BCAS3: variants seen among roughly 807,000 people sequenced by gnomAD.
BCAS3 encodes the protein BCAS4/BCAS3 fusion.
BCAS3 carries 53 observed loss-of-function variants against 116.1 expected under a neutral mutation model. The observed-to-expected ratio is 0.46, with a 90% CI of 0.37 to 0.57. The LOEUF is 0.57. Among genes scored for constraint, BCAS3 ranks in the 20% least tolerant of loss-of-function variants. The probability of loss-of-function intolerance (pLI) is 0.00; values close to 1 mark genes in which losing one functional copy is unlikely to be tolerated. For missense variants in BCAS3, 917 were observed against 1,165.4 expected (o/e 0.79, Z 3.10); for synonymous variants, 391 against 408.2 (o/e 0.96, Z 0.51).
intron 7 of BCAS3, among the ~76,000 whole-genome samples, chr17:60,833,752 A>G (rs1245988736): frequency 6.6e-6 from 1 of 152,186 alleles, no homozygotes; most frequent in African/African-American, 2.4e-5. Flanking sequence ...TATTCTTTCA[A>G]AACTGTAATT....
At chr17:61,005,839 C>T (rs1276167726) in intron 15 of BCAS3, among the ~76,000 whole-genome samples, 1 of 146,942 alleles carries the variant, frequency 6.8e-6, no homozygotes, top group African/African-American at 2.5e-5. Flanking sequence ...GGTACATGTG[C>T]ACATTGTGCA....
In BCAS3 at chr17:61,128,218, CATGAAG is replaced by C; in HGVS notation, c.2425+43661_2425+43666del. The C allele has an allele frequency of 1.0e-6, 1 of 985,410 alleles. No homozygotes were observed. Among genetic ancestry groups the C allele is most frequent in the Non-Finnish European group, 1.2e-6 (1 of 829,910 alleles). 61.0% of individuals were successfully genotyped at this position (985,410 alleles called of 1,614,324 possible). On this transcript the variant is annotated intron_variant, in intron 22 of 23. Transcript: ENST00000407086. The surrounding 1 kb of genome is among the most constrained non-coding windows in gnomAD (Gnocchi z 4.1). Reference sequence around the variant, plus strand: ...GAATAGTGTGAGTCAAGGATGAGTACATGAAGATGAAGCCCATGCAATGAGGACAGC... The same window carrying C: ...GAATAGTGTGAGTCAAGGATGAGTACATGAAGCCCATGCAATGAGGACAGC...
At chr17:60,779,258 C>T (rs1221987606) in intron 6 of BCAS3, among the ~76,000 whole-genome samples, 1 of 151,800 alleles carries the variant, frequency 6.6e-6, no homozygotes, top group Non-Finnish European at 1.5e-5. Flanking sequence ...GTGGAAAATT[C>T]CACACATAAA....
chr17:60,954,159 A>G (rs937947071), intron 14 of BCAS3, among the ~76,000 whole-genome samples: 56 of 152,208 alleles, frequency 3.7e-4, no homozygotes, highest in African/African-American at 1.3e-3. Flanking sequence ...TTTGTTGAAG[A>G]TCAGATGGTT....
chr17:61,095,453 G>T lies in BCAS3; in HGVS notation c.2425+10889G>T, dbSNP rs182024605. 1.3e-4 allele frequency among the ~76,000 whole-genome samples: 20 copies of T among 152,078 alleles called. No individual in the cohort carries two copies. Among genetic ancestry groups the T allele is most frequent in the Admixed American group, 7.9e-4 (12 of 15,268 alleles). ...AAACCAAAGATCTTTGGGGTCCTGG[G>T]TTTTTTGTTGTTGTTGTCGTTTGTT... On this transcript the variant is annotated intron_variant, in intron 22 of 23. Transcript: ENST00000407086. This position sits in a 1 kb window ranked among gnomAD's most constrained non-coding sequence, Gnocchi z 4.7.
Position 61,088,302 on chromosome 17 carries a change from T to C in BCAS3, c.2425+3738T>C, listed in dbSNP as rs536662642. The stretch of plus-strand genomic sequence containing the variant: ...GATCATTTTGGAAATGGACACATTA[T>C]AGGATTTTAACCTAAGACACAGGCT... On this transcript the variant is annotated intron_variant, in intron 22 of 23. Coordinates refer to ENST00000407086, the MANE Select transcript of BCAS3 (RefSeq NM_017679.5). This position sits in a 1 kb window ranked among gnomAD's most constrained non-coding sequence, Gnocchi z 4.2. Among the ~76,000 whole-genome samples the C allele has an allele frequency of 1.4e-4, 21 of 152,346 alleles. No individual in the cohort carries two copies. Among genetic ancestry groups the C allele is most frequent in the African/African-American group, 4.6e-4 (19 of 41,572 alleles).
intron 6 of BCAS3, among the ~76,000 whole-genome samples, chr17:60,788,832 G>A (rs1245541496): frequency 1.3e-5 from 2 of 151,988 alleles, no homozygotes; most frequent in East Asian, 1.9e-4. Context: ...GAATTTTGTA[G>A]CGCACAACAA....
chr17:60,910,478 A>G lies in BCAS3; in HGVS notation c.823-54A>G. On this transcript the variant is annotated intron_variant, in intron 11 of 23. Transcript: ENST00000407086. The stretch of plus-strand genomic sequence containing the variant: ...GAAAATTAATAAAATGCGTATTTCT[A>G]TGTAGAATCCAAATACTGATGTGAA... The G allele has an allele frequency of 3.6e-6, 5 of 1,385,562 alleles. No homozygotes were observed. The South Asian group carries it at 4.7e-5, about 13-fold the overall frequency. The allele number at this position is 1,385,562 out of a possible 1,614,324, so 85.8% of individuals were successfully genotyped here.
chr17:60,679,212 G>A (rs1185583595), intron 1 of BCAS3, among the ~76,000 whole-genome samples: 1 of 152,094 alleles, frequency 6.6e-6, no homozygotes, highest in Non-Finnish European at 1.5e-5. Context: ...GCGACAGAGC[G>A]AGACTCTATC....
chr17:61,293,733 C>T (rs2052652830), intron 22 of BCAS3, among the ~76,000 whole-genome samples: 1 of 152,144 alleles, frequency 6.6e-6, no homozygotes, highest in Non-Finnish European at 1.5e-5. Context: ...CCTTAAGTTC[C>T]ATTATGTGCA....
intron 6 of BCAS3, among the ~76,000 whole-genome samples, chr17:60,770,852 T>G (rs1188687549): frequency 4.4e-5 from 6 of 134,992 alleles, no homozygotes; most frequent in Non-Finnish European, 8.3e-5. Flanking sequence ...TTTTTTTTTT[T>G]TTTTTTTTTT....
intron 22 of BCAS3, among the ~76,000 whole-genome samples, chr17:61,296,328 C>T (rs1438015984): frequency 6.6e-6 from 1 of 152,174 alleles, no homozygotes; most frequent in Non-Finnish European, 1.5e-5. Flanking sequence ...AGGCAACTAG[C>T]ACGATCACTA....
intron 22 of BCAS3, among the ~76,000 whole-genome samples, chr17:61,184,436 A>ACT (rs2079648576): frequency 6.6e-6 from 1 of 152,160 alleles, no homozygotes; most frequent in South Asian, 2.1e-4. Context: ...CTGAAATTAA[A>ACT]AGACTGACAA....
chr17:61,319,458 T>C (rs2055014375), intron 22 of BCAS3, among the ~76,000 whole-genome samples: 1 of 152,236 alleles, frequency 6.6e-6, no homozygotes, highest in Non-Finnish European at 1.5e-5. Flanking sequence ...GTCAGAATGT[T>C]GACTCTAGAA....
rs763578183 is a variant in BCAS3, at chr17:61,199,731, T to TCAA, written c.2425+115167_2425+115168insCAA. On this transcript the variant is annotated intron_variant, in intron 22 of 23. Coordinates refer to ENST00000407086, the MANE Select transcript of BCAS3 (RefSeq NM_017679.5). This position sits in a 1 kb window ranked among gnomAD's most constrained non-coding sequence, Gnocchi z 4.6. ...CAGCTTAATTTTGATAGGATCCCTA[T>TCAA]GATCTTTGTAAGCGTATTCATGCCA... 0.03 allele frequency among the ~76,000 whole-genome samples: 4,628 copies of TCAA among 152,326 alleles called. 189 individuals are homozygous for TCAA. The highest frequency in any genetic ancestry group is 0.21 in the East Asian group (1,062 of 5,176).
intron 8 of BCAS3, among the ~76,000 whole-genome samples, chr17:60,870,220 ATAC>A (rs1489132238): frequency 1.3e-5 from 2 of 152,236 alleles, no homozygotes; most frequent in African/African-American, 4.8e-5. Context: ...ACAAGAGTGA[ATAC>A]TACAACTAGA....
At chr17:61,070,030 C>T (rs368366449) in intron 19 of BCAS3, 6 of 1,595,386 alleles carry the variant, frequency 3.8e-6, no homozygotes, top group Non-Finnish European at 4.3e-6. Flanking sequence ...GACACTGCGA[C>T]TCTGGAGACA....
rs1293725474 is a variant in BCAS3 at position 61,356,361 on chromosome 17, C to A, written c.2426-11966C>A. On this transcript the variant is annotated intron_variant, in intron 22 of 23. Coordinates refer to ENST00000407086, the MANE Select transcript of BCAS3 (RefSeq NM_017679.5). This position sits in a 1 kb window ranked among gnomAD's most constrained non-coding sequence, Gnocchi z 5.4. Reference sequence around the variant, plus strand: ...TCTTCCTCCTTGGAGGGGGAGAAATCATGAGTGTGCCAAGTTTAAAACAGA... The same window carrying A: ...TCTTCCTCCTTGGAGGGGGAGAAATAATGAGTGTGCCAAGTTTAAAACAGA... Among the ~76,000 whole-genome samples the A allele has an allele frequency of 6.6e-6, 1 of 152,224 alleles. No homozygotes were observed. The highest frequency in any genetic ancestry group is 1.5e-5 in the Non-Finnish European group (1 of 68,042).
At chr17:60,922,935 T>C (rs2059182830) in intron 12 of BCAS3, among the ~76,000 whole-genome samples, 1 of 152,188 alleles carries the variant, frequency 6.6e-6, no homozygotes, top group African/African-American at 2.4e-5. Flanking sequence ...AGTATAACTA[T>C]AGTGTTATAT....
Sources: gnomAD v4.1 joint callset for allele counts (sites outside exome capture counted in the v4.1 genomes callset) on GRCh38, gnomAD v4.1.1 for gene constraint, Gnocchi (gnomAD v3.1) non-coding constraint, MANE v1.5 for transcripts, NCBI Gene and HGNC (gene_info 2026-07-23, HGNC 2026-07-21) for gene names.